The following SYT9 variants were observed in gnomAD, a reference collection of about 807,000 sequenced individuals.
SYT9 encodes the protein synaptotagmin 9.
Under a neutral mutation model 48.4 loss-of-function variants are expected in SYT9, and 22 were observed. That is an observed-to-expected ratio of 0.45 (90% CI 0.32 to 0.65). SYT9 has a LOEUF of 0.65. Ranked by LOEUF, SYT9 falls within the 30% of genes least tolerant of loss-of-function variation. SYT9 has a pLI of 0.03. For synonymous variants in SYT9, 265 were observed against 245.0 expected, an observed-to-expected ratio of 1.08 and a Z score of -0.76; for missense variants, 577 against 622.0, an observed-to-expected ratio of 0.93 and a Z score of 0.77.
intron 3 of SYT9, among the ~76,000 whole-genome samples, chr11:7,336,395 T>C (rs561092971): frequency 8.2e-4 from 125 of 152,334 alleles, no homozygotes; most frequent in African/African-American, 2.9e-3. Flanking sequence ...TTTTGGCATC[T>C]TCATCATTAA....
intron 1 of SYT9, among the ~76,000 whole-genome samples, chr11:7,266,147 G>C (rs1197106156): frequency 2.0e-5 from 3 of 152,042 alleles, no homozygotes; most frequent in Admixed American, 2.0e-4. Flanking sequence ...AGCTAGCTCT[G>C]AAGGCTTCCC....
upstream of SYT9, among the ~76,000 whole-genome samples, chr11:7,251,729 G>A (rs1204827909): frequency 4.6e-5 from 7 of 152,300 alleles, no homozygotes; most frequent in African/African-American, 1.4e-4. Flanking sequence ...CCAAGCCAGG[G>A]CGCGGCCGCT....
chr11:7,311,175 G>A (rs189073295), intron 2 of SYT9, among the ~76,000 whole-genome samples: 56 of 152,248 alleles, frequency 3.7e-4, no homozygotes, highest in African/African-American at 1.3e-3. Context: ...GGTGGCGCAT[G>A]CCTGTAATCC....
chr11:7,386,823 A>G (rs1490763132), intron 3 of SYT9, among the ~76,000 whole-genome samples: 5 of 152,360 alleles, frequency 3.3e-5, no homozygotes, highest in African/African-American at 1.2e-4. Context: ...ATTATAAATC[A>G]TGCTGCTGTA....
chr11:7,356,429 T>C (rs1287774850), intron 3 of SYT9, among the ~76,000 whole-genome samples: 1 of 152,220 alleles, frequency 6.6e-6, no homozygotes, highest in Non-Finnish European at 1.5e-5. Flanking sequence ...TGTGCCTGGC[T>C]TGGGGGCTTT....
At chr11:7,322,543 G>A (rs1007421586) in intron 3 of SYT9, among the ~76,000 whole-genome samples, 4 of 152,168 alleles carry the variant, frequency 2.6e-5, no homozygotes, top group African/African-American at 9.7e-5. Flanking sequence ...TATTCAGAGG[G>A]AGTGAAAAGT....
rs1032596325 is a variant in SYT9 at position 7,384,094 on chromosome 11, C to T, written c.1045-31948C>T. 5.6e-5 allele frequency among the ~76,000 whole-genome samples: 8 copies of T among 142,090 alleles called. 1 individual carries two copies. Among genetic ancestry groups the T allele is most frequent in the Middle Eastern group, 7.5e-3 (2 of 268 alleles). 93.2% of individuals were successfully genotyped at this position (142,090 alleles called of 152,430 possible). ...CACACACACACACACACACACACAC[C>T]CTCACACCTTACTTCCCTCTCCCAT... On this transcript the variant is annotated intron_variant, in intron 3 of 6. Coordinates refer to ENST00000318881, the MANE Select transcript of SYT9 (RefSeq NM_175733.4).
At chr11:7,259,965 AGTT>A (rs1848046958) in intron 1 of SYT9, among the ~76,000 whole-genome samples, 7 of 152,138 alleles carry the variant, frequency 4.6e-5, no homozygotes, top group Admixed American at 4.6e-4. Context: ...AATATGAAAA[AGTT>A]GTTATAATTT....
chr11:7,379,179 T>C (rs1850510951), intron 3 of SYT9, among the ~76,000 whole-genome samples: 3 of 152,158 alleles, frequency 2.0e-5, no homozygotes, highest in African/African-American at 7.2e-5. Context: ...GCTGTCTTTG[T>C]TTTAGCCAAG....
chr11:7,242,816 C>T (rs1045117970), intron 1 of SYT9, among the ~76,000 whole-genome samples: 7 of 152,018 alleles, frequency 4.6e-5, no homozygotes, highest in African/African-American at 1.4e-4. Context: ...GAGGCTAAGG[C>T]GTGAGAATCA....
chr11:7,354,125 T>G (rs1487572684), intron 3 of SYT9, among the ~76,000 whole-genome samples: 1 of 152,236 alleles, frequency 6.6e-6, no homozygotes, highest in Non-Finnish European at 1.5e-5. Context: ...ATGTTCACTT[T>G]GAGTAGACTT....
chr11:7,367,151 G>A (rs1365976127), intron 3 of SYT9, among the ~76,000 whole-genome samples: 1 of 125,390 alleles, frequency 8.0e-6, no homozygotes, highest in Non-Finnish European at 1.6e-5. Flanking sequence ...GCGCAATCTC[G>A]GCTCACTGCA....
At chr11:7,288,673 C>T (rs144959456) in intron 1 of SYT9, among the ~76,000 whole-genome samples, 579 of 150,944 alleles carry the variant, frequency 3.8e-3, no homozygotes, top group Non-Finnish European at 6.2e-3. Flanking sequence ...TGCATTTGTC[C>T]TCCTTCTCAT....
chr11:7,247,579 A>G (rs1253111195), upstream of SYT9, among the ~76,000 whole-genome samples: 3 of 147,632 alleles, frequency 2.0e-5, no homozygotes, highest in Non-Finnish European at 4.5e-5. Flanking sequence ...ACACATATAC[A>G]TATATATGTG....
chr11:7,389,586 A>G (rs1284689366), intron 3 of SYT9, among the ~76,000 whole-genome samples: 1 of 152,176 alleles, frequency 6.6e-6, no homozygotes, highest in Non-Finnish European at 1.5e-5. Flanking sequence ...GTAGGACATT[A>G]TGAATGTCCT....
intron 3 of SYT9, among the ~76,000 whole-genome samples, chr11:7,348,892 G>C (rs1398824455): frequency 1.3e-5 from 2 of 151,678 alleles, no homozygotes; most frequent in African/African-American, 2.4e-5. Flanking sequence ...GCTGAGGGAG[G>C]TGTGACTGGT....
chr11:7,339,405 T>C, intron 3 of SYT9, among the ~76,000 whole-genome samples: 1 of 152,214 alleles, frequency 6.6e-6, no homozygotes, highest in East Asian at 1.9e-4. Context: ...TGTTGATAGC[T>C]GGTTGTTACG....
intron 1 of SYT9, among the ~76,000 whole-genome samples, chr11:7,299,855 G>A (rs1465743905): frequency 6.6e-6 from 1 of 152,120 alleles, no homozygotes; most frequent in Non-Finnish European, 1.5e-5. Context: ...GGGGTCCTAT[G>A]GTTACTAGTT....
At chr11:7,434,054 G>T (rs2134124038) in intron 6 of SYT9, among the ~76,000 whole-genome samples, 1 of 152,150 alleles carries the variant, frequency 6.6e-6, no homozygotes, top group Admixed American at 6.5e-5. Flanking sequence ...CTGTATTTCT[G>T]GTGTTAGTGC....
Sources: gnomAD v4.1 joint callset for allele counts (sites outside exome capture counted in the v4.1 genomes callset) on GRCh38, gnomAD v4.1.1 for gene constraint, MANE v1.5 for transcripts, NCBI Gene and HGNC (gene_info 2026-07-23, HGNC 2026-07-21) for gene names.